WIPF3: variants seen among roughly 807,000 people sequenced by gnomAD.
The protein encoded by WIPF3 is WAS/WASL interacting protein family member 3, also known as WAS/WASL-interacting protein family member 3.
Under a neutral mutation model 38.9 loss-of-function variants are expected in WIPF3, and 33 were observed. The ratio of observed to expected loss-of-function variants is 0.85; its 90% CI spans 0.64 to 1.14. The LOEUF is 1.14. WIPF3 is among the 50% of genes most tolerant of loss of function. WIPF3 has a pLI of 0.00. For synonymous variants in WIPF3, 324 were observed against 269.3 expected, an observed-to-expected ratio of 1.20 and a Z score of -1.99; for missense variants, 711 against 652.5, an observed-to-expected ratio of 1.09 and a Z score of -0.98.
Position 29,883,953 on chromosome 7 carries a change from C to T in WIPF3, c.459C>T (p.Gly153=). The T allele has an allele frequency of 6.4e-7, 1 of 1,567,250 alleles. No individual in the cohort carries two copies. The highest frequency in any genetic ancestry group is 8.6e-7 in the Non-Finnish European group (1 of 1,156,328). Residue 153 remains glycine (G), a synonymous_variant, in exon 5 of 9, where the codon GGC becomes GGT. Transcript: ENST00000242140. ...TCCCGCCTGCCTCTCCCAGGCTAGG[C>T]AATACCTCCGAGGCGCATGGCGCTG... is the stretch of plus-strand genomic sequence containing the variant. The part of the protein sequence containing the change: ...PLIPPASPRL[G]NTSEAHGAAR...
At chr7:29,853,690 G>A (rs752186658) in intron 2 of WIPF3, among the ~76,000 whole-genome samples, 4 of 152,130 alleles carry the variant, frequency 2.6e-5, no homozygotes, top group South Asian at 2.1e-4. Context: ...GAAGTTCTGC[G>A]GCCTTGGTTG....
chr7:29,852,379 A>T (rs1477415916), intron 2 of WIPF3, among the ~76,000 whole-genome samples: 1 of 152,240 alleles, frequency 6.6e-6, no homozygotes, highest in Non-Finnish European at 1.5e-5. Flanking sequence ...AGGTGCCATG[A>T]CCATACCACA....
chr7:29,894,062 T>C (rs174987), intron 7 of WIPF3, among the ~76,000 whole-genome samples: 82,136 of 151,994 alleles, frequency 0.54, 23,190 homozygotes, highest in East Asian at 0.78. Context: ...AAAACAGGTG[T>C]GGGCTGGATT....
At chr7:29,891,436 G>A (rs572362252) in intron 7 of WIPF3, among the ~76,000 whole-genome samples, 9 of 152,344 alleles carry the variant, frequency 5.9e-5, no homozygotes, top group South Asian at 2.1e-4. Context: ...GCTGGCCTGC[G>A]TGGCTGTACA....
In WIPF3 at chr7:29,835,683, C is replaced by T. The variant is rs552176637; in HGVS notation, c.90+869C>T. ...TCTGAAGAAAACCAGGAGCACTTCT[C>T]ACACTCATTTTCCATTCCTCACACC... On this transcript the variant is annotated intron_variant, in intron 2 of 8. Transcript: ENST00000242140. Among the ~76,000 whole-genome samples, 25 of 152,346 alleles carry T rather than the reference C, an allele frequency of 1.6e-4. No individual in the cohort carries two copies. In the South Asian group the frequency reaches 5.0e-3, roughly 30 times the overall value.
intron 2 of WIPF3, among the ~76,000 whole-genome samples, chr7:29,872,446 T>C (rs2128072735): frequency 6.6e-6 from 1 of 152,254 alleles, no homozygotes; most frequent in Non-Finnish European, 1.5e-5. Flanking sequence ...TGCCACAAAA[T>C]TGTTAATTCC....
chr7:29,910,611 T>C (rs946727194), intron 8 of WIPF3, among the ~76,000 whole-genome samples: 9 of 152,038 alleles, frequency 5.9e-5, no homozygotes, highest in African/African-American at 1.4e-4. Flanking sequence ...GATTATTCAA[T>C]ATATAAAAAT....
In WIPF3 at chr7:29,884,036, CT is replaced by C; in HGVS notation, c.543del (p.Pro182ArgfsTer26). 7.0e-7 allele frequency: 1 copy of C among 1,434,452 alleles called. No homozygotes were observed. The allele number at this position is 1,434,452 out of a possible 1,614,324, so 88.9% of individuals were successfully genotyped here. A position where few individuals can be genotyped will look rare whatever the true frequency, so the allele number is the denominator to read the frequency against. On this transcript the variant is annotated frameshift_variant, in exon 5 of 9. Transcript: ENST00000242140. LOFTEE classifies it high-confidence loss of function. The part of the protein sequence containing the change: ...VPAPPPPTPP[P>X]PPPPLPPPLP... ...GCCCCGCCCCCTCCCACCCCACCCC[CT>C]CCGCCTCCACCCTTACCCCCGCCCC...
At position 29,868,138 on chromosome 7, in the gene WIPF3, C is replaced by T. The variant is rs1785424914; in HGVS notation, c.91-7692C>T. 2.0e-5 allele frequency among the ~76,000 whole-genome samples: 3 copies of T among 152,182 alleles called. No individual in the cohort carries two copies. The South Asian group carries it at 6.2e-4, about 31-fold the overall frequency. On this transcript the variant is annotated intron_variant, in intron 2 of 8. Transcript: ENST00000242140. ...TTTAGTTGAGAAAGTGGAAAAAATA[C>T]ATTTTCTAAAGTAAACTGTATTTGG...
chr7:29,842,928 A>G (rs1784937677), intron 2 of WIPF3, among the ~76,000 whole-genome samples: 1 of 152,228 alleles, frequency 6.6e-6, no homozygotes, highest in Non-Finnish European at 1.5e-5. Context: ...ACACTCTGGT[A>G]CTTCGATTAG....
In WIPF3 at chr7:29,849,728, C is replaced by T. The variant is rs553574000; in HGVS notation, c.90+14914C>T. Among the ~76,000 whole-genome samples the T allele has an allele frequency of 8.5e-5, 13 of 152,200 alleles. No individual in the cohort carries two copies. The South Asian group carries it at 2.3e-3, about 27-fold the overall frequency. ...TTAAAAAAAAATTTGTGTGCATACACGTGTTTGTATTTCTTTATATATACA... is the reference window on the plus strand; with the variant it reads ...TTAAAAAAAAATTTGTGTGCATACATGTGTTTGTATTTCTTTATATATACA... On this transcript the variant is annotated intron_variant, in intron 2 of 8. Coordinates refer to ENST00000242140, the MANE Select transcript of WIPF3 (RefSeq NM_001080529.3).
chr7:29,831,194 C>T lies in WIPF3; in HGVS notation c.-57-3474C>T, dbSNP rs60029767. 4.6e-3 allele frequency among the ~76,000 whole-genome samples: 703 copies of T among 152,250 alleles called. 10 individuals are homozygous for T. Among genetic ancestry groups the T allele is most frequent in the Middle Eastern group, 0.017 (5 of 294 alleles). On this transcript the variant is annotated intron_variant, in intron 1 of 8. Transcript: ENST00000242140. ...AATGGCCCCAAGCAAAGTGCTGAAG[C>T]GCTGCCTAGTATTCTTAAGCCCAAG...
intron 6 of WIPF3, 57 bp downstream of exon 6, chr7:29,888,274 A>G (rs1296040256): frequency 2.6e-6 from 4 of 1,544,814 alleles, no homozygotes; most frequent in Non-Finnish European, 3.5e-6. Context: ...GATTCTCCCA[A>G]CCTCTGGAGA....
At chr7:29,890,761 A>ATG (rs1785991883) in intron 7 of WIPF3, among the ~76,000 whole-genome samples, 1 of 124,586 alleles carries the variant, frequency 8.0e-6, no homozygotes, top group Non-Finnish European at 1.7e-5. Context: ...GAGGGGGCTC[A>ATG]GGCCTGCCCT....
intron 2 of WIPF3, among the ~76,000 whole-genome samples, chr7:29,866,922 T>C (rs772915837): frequency 4.5e-4 from 68 of 152,366 alleles, no homozygotes; most frequent in Non-Finnish European, 8.4e-4. Context: ...AAGCCAAACT[T>C]GCCTGTACTC....
chr7:29,809,001 TA>T (rs1784330650), intron 1 of WIPF3, among the ~76,000 whole-genome samples: 1 of 152,178 alleles, frequency 6.6e-6, no homozygotes, highest in Non-Finnish European at 1.5e-5. Flanking sequence ...TTGAAGTTTT[TA>T]AAAAAGAAAC....
chr7:29,847,069 C>T (rs1785012365), intron 2 of WIPF3, among the ~76,000 whole-genome samples: 1 of 152,196 alleles, frequency 6.6e-6, no homozygotes, highest in South Asian at 2.1e-4. Flanking sequence ...ATCTTTAATG[C>T]CCTGAACAGG....
chr7:29,892,043 C>A (rs923207183), intron 7 of WIPF3, among the ~76,000 whole-genome samples: 2 of 152,186 alleles, frequency 1.3e-5, no homozygotes, highest in African/African-American at 4.8e-5. Context: ...CCATATATAA[C>A]ACCCCTTTCC....
intron 7 of WIPF3, among the ~76,000 whole-genome samples, chr7:29,897,768 G>A (rs1444459337): frequency 6.6e-6 from 1 of 152,208 alleles, no homozygotes; most frequent in African/African-American, 2.4e-5. Context: ...CTTTGCGGAA[G>A]GCAGCTGGGG....
Sources: gnomAD v4.1 joint callset for allele counts (sites outside exome capture counted in the v4.1 genomes callset) on GRCh38, gnomAD v4.1.1 for gene constraint, MANE v1.5 for transcripts, NCBI Gene and HGNC (gene_info 2026-07-23, HGNC 2026-07-21) for gene names.